Variants in NCOA2 observed in about 807,000 individuals in gnomAD.
NCOA2 encodes class E basic helix-loop-helix protein 75.
In NCOA2, 21 loss-of-function variants were observed where a neutral mutation model predicts 145.1. That is an observed-to-expected ratio of 0.14 (90% CI 0.10 to 0.21). The LOEUF is 0.21. Among genes scored for constraint, NCOA2 ranks in the 10% least tolerant of loss-of-function variants. NCOA2 has a pLI of 1.00. For synonymous variants in NCOA2, 619 were observed against 637.5 expected, an observed-to-expected ratio of 0.97 and a Z score of 0.44; for missense variants, 1,472 against 1,837.6, an observed-to-expected ratio of 0.80 and a Z score of 3.64.
At chr8:70,333,208 CTG>C (rs1046944819) in intron 1 of NCOA2, among the ~76,000 whole-genome samples, 1 of 152,110 alleles carries the variant, frequency 6.6e-6, no homozygotes, top group African/African-American at 2.4e-5. Context: ...TGTTCAAAGA[CTG>C]GACTTTTTTT....
In NCOA2 at chr8:70,287,187, T is replaced by C. The variant is rs186126739; in HGVS notation, c.-20+9557A>G. On this transcript the variant is annotated intron_variant, in intron 2 of 22. Coordinates refer to ENST00000452400, the MANE Select transcript of NCOA2 (RefSeq NM_006540.4). ...CTAGCTCGGGAGGTCGAGGCTGCAG[T>C]GAGCTATGACTGCACCACTGCACTT... is the stretch of plus-strand genomic sequence containing the variant. 5.9e-3 allele frequency among the ~76,000 whole-genome samples: 896 copies of C among 152,268 alleles called. 5 individuals carry two copies. The highest frequency in any genetic ancestry group is 0.02 in the African/African-American group (836 of 41,558).
the NCOA2 span, among the ~76,000 whole-genome samples, chr8:70,455,673 A>ATTTT: frequency 6.5e-5 from 9 of 138,748 alleles, no homozygotes; most frequent in African/African-American, 2.1e-4. Flanking sequence ...CGAGTCCTTC[A>ATTTT]TTTTTTTTTT....
At chr8:70,329,440 G>A (rs1203971425) in intron 1 of NCOA2, among the ~76,000 whole-genome samples, 1 of 151,858 alleles carries the variant, frequency 6.6e-6, no homozygotes, top group Admixed American at 6.6e-5. Flanking sequence ...TTGTAGAGAT[G>A]GAGTCTCCCA....
chr8:70,321,524 C>G (rs1286775367), intron 1 of NCOA2, among the ~76,000 whole-genome samples: 1 of 151,842 alleles, frequency 6.6e-6, no homozygotes, highest in Non-Finnish European at 1.5e-5. Flanking sequence ...TGCCAATTTA[C>G]AAAATTAAAA....
In NCOA2 at chr8:70,156,659, A is replaced by C. The variant is rs1395555141; in HGVS notation, c.1706T>G (p.Met569Arg). The change falls in exon 11 of 23, where the codon ATG becomes AGG. Residue 569 changes from methionine to arginine, a missense_variant. By Grantham distance (91) the Met-to-Arg change is moderately conservative. Coordinates refer to ENST00000452400, the MANE Select transcript of NCOA2 (RefSeq NM_006540.4). Reference protein sequence around the residue: ...MGNLQNSPVNMNPPPLSKMGS... With the variant: ...MGNLQNSPVNRNPPPLSKMGS... Reference sequence around the variant, plus strand: ...CATCTTGCTGAGTGGGGGAGGATTCATATTAACTGGGGAGTTTTGCAAATT... The same window carrying C: ...CATCTTGCTGAGTGGGGGAGGATTCCTATTAACTGGGGAGTTTTGCAAATT... The C allele has an allele frequency of 6.2e-7, 1 of 1,613,952 alleles. No individual in the cohort carries two copies. The highest frequency in any genetic ancestry group is 2.2e-5 in the East Asian group (1 of 44,864).
At chr8:70,391,043 G>T (rs1813154872) in intron 1 of NCOA2, among the ~76,000 whole-genome samples, 1 of 152,124 alleles carries the variant, frequency 6.6e-6, no homozygotes, top group South Asian at 2.1e-4. Flanking sequence ...GAAAAGGTAA[G>T]GTTAGGTATA....
At position 70,340,331 on chromosome 8, in the gene NCOA2, T is replaced by A. The variant is rs1160251443; in HGVS notation, c.-76-43531A>T. 2.0e-5 allele frequency among the ~76,000 whole-genome samples: 3 copies of A among 151,960 alleles called. No homozygotes were observed. In the South Asian group the frequency reaches 6.2e-4, roughly 32 times the overall value. ...AAGATATACATGCAGCCAACAAACA[T>A]ATGAAAAAAAGCTCAACATCACTGA... On this transcript the variant is annotated intron_variant, in intron 1 of 22. Transcript: ENST00000452400.
intron 2 of NCOA2, among the ~76,000 whole-genome samples, chr8:70,283,260 G>A (rs1437446237): frequency 3.3e-5 from 5 of 152,212 alleles, no homozygotes; most frequent in Admixed American, 3.3e-4. Context: ...GCGACTAGTT[G>A]TTCTTAGGGA....
At chr8:70,254,112 C>T (rs1000745420) in intron 2 of NCOA2, among the ~76,000 whole-genome samples, 2 of 152,160 alleles carry the variant, frequency 1.3e-5, no homozygotes, top group African/African-American at 2.4e-5. Context: ...AAAGACGACA[C>T]ACAAATGGGC....
At chr8:70,437,393 G>C in the NCOA2 span, among the ~76,000 whole-genome samples, 1 of 152,150 alleles carries the variant, frequency 6.6e-6, no homozygotes, top group Non-Finnish European at 1.5e-5. Flanking sequence ...ACCTGCATCT[G>C]GCAGAATGTC....
intron 1 of NCOA2, among the ~76,000 whole-genome samples, chr8:70,395,672 A>G (rs190791414): frequency 1.8e-4 from 27 of 152,356 alleles, no homozygotes; most frequent in Admixed American, 1.4e-3. Flanking sequence ...GACAAGGGAA[A>G]TTGTTTCATA....
At chr8:70,151,124 G>A (rs547930531) in intron 11 of NCOA2, among the ~76,000 whole-genome samples, 36 of 152,218 alleles carry the variant, frequency 2.4e-4, no homozygotes, top group African/African-American at 8.4e-4. Flanking sequence ...AGAAAGCTCT[G>A]CAGATTACTT....
intron 1 of NCOA2, among the ~76,000 whole-genome samples, chr8:70,382,009 C>G (rs1812234213): frequency 6.6e-6 from 1 of 152,146 alleles, no homozygotes; most frequent in African/African-American, 2.4e-5. Flanking sequence ...GAGACTGATA[C>G]CAAATCATCC....
intron 1 of NCOA2, among the ~76,000 whole-genome samples, chr8:70,343,463 TTTCA>T (rs1808324297): frequency 1.3e-5 from 2 of 151,902 alleles, no homozygotes; most frequent in African/African-American, 4.8e-5. Context: ...CTACTTTCTC[TTTCA>T]TTAAGGATCT....
intron 2 of NCOA2, among the ~76,000 whole-genome samples, chr8:70,247,984 T>C (rs1822769881): frequency 6.6e-6 from 1 of 152,210 alleles, no homozygotes; most frequent in African/African-American, 2.4e-5. Flanking sequence ...CTAACTCTCC[T>C]CCTGAGTGCA....
intron 1 of NCOA2, among the ~76,000 whole-genome samples, chr8:70,371,746 G>A (rs576745939): frequency 5.3e-5 from 8 of 152,238 alleles, no homozygotes; most frequent in African/African-American, 1.9e-4. Flanking sequence ...GAGGACATAA[G>A]AACACTACTG....
intron 2 of NCOA2, among the ~76,000 whole-genome samples, chr8:70,274,100 T>C (rs187171356): frequency 5.8e-4 from 88 of 152,198 alleles, no homozygotes; most frequent in Non-Finnish European, 8.8e-4. Flanking sequence ...GTTAACGAAG[T>C]TCTTTGCCTA....
chr8:70,372,875 A>T (rs10435576), intron 1 of NCOA2, among the ~76,000 whole-genome samples: 6,892 of 152,280 alleles, frequency 0.045, 258 homozygotes, highest in East Asian at 0.16. Context: ...AATATACAAT[A>T]TATGTCTGGC....
chr8:70,403,720 G>A lies in NCOA2; in HGVS notation c.-97C>T, dbSNP rs1387636106. ...GTTACCGGCTCGGGTCGGTCACGCC[G>A]TCAGGTGCCGGCTGCCGTCGGCGCT... On this transcript the variant is annotated 5_prime_UTR_variant, in exon 1 of 23. The change creates a new upstream start codon in the 5' untranslated region. Transcript: ENST00000452400. 2.5e-6 allele frequency: 1 copy of A among 396,568 alleles called. No individual in the cohort carries two copies. The highest frequency in any genetic ancestry group is 4.5e-6 in the Non-Finnish European group (1 of 224,704). The allele number at this position is 396,568 out of a possible 1,614,324, so 24.6% of individuals were successfully genotyped here. A position where few individuals can be genotyped will look rare whatever the true frequency, so the allele number is the denominator to read the frequency against.
Sources: allele counts gnomAD v4.1 joint callset (sites outside exome capture counted in the v4.1 genomes callset), GRCh38; gene constraint gnomAD v4.1.1; transcripts MANE v1.5; gene names NCBI Gene and HGNC (gene_info 2026-07-23, HGNC 2026-07-21).